Variants in ENTPD4 observed in about 807,000 individuals in gnomAD.
The protein encoded by ENTPD4 is ectonucleoside triphosphate diphosphohydrolase 4.
In ENTPD4, 60 loss-of-function variants were observed where a neutral mutation model predicts 79.1. That is an observed-to-expected ratio of 0.76 (90% CI 0.62 to 0.94). The LOEUF (loss-of-function observed/expected upper bound fraction) is 0.94. Among genes scored for constraint, ENTPD4 ranks in the 40% least tolerant of loss-of-function variants. The pLI is 0.00. For missense variants in ENTPD4, 772 were observed against 775.1 expected, an observed-to-expected ratio of 1.00 and a Z score of 0.05; for synonymous variants, 276 against 292.0, an observed-to-expected ratio of 0.95 and a Z score of 0.56.
intron 5 of ENTPD4, 53 bp downstream of exon 5, chr8:23,444,403 C>T: frequency 1.3e-6 from 2 of 1,516,860 alleles, no homozygotes; most frequent in Non-Finnish European, 9.1e-7. Context: ...GAAGAACACC[C>T]CCTCTCCCCT....
chr8:23,443,318 C>G (rs2117291620), intron 6 of ENTPD4, among the ~76,000 whole-genome samples: 1 of 152,320 alleles, frequency 6.6e-6, no homozygotes, highest in South Asian at 2.1e-4. Context: ...CACCCCATTT[C>G]TGTATTCTCT....
Position 23,438,448 on chromosome 8 carries a change from GATAA to G in ENTPD4, c.1050-1194_1050-1191del, listed in dbSNP as rs1170249749. On this transcript the variant is annotated intron_variant, in intron 9 of 12. Transcript: ENST00000358689. ...TAATCACCACTACAAATGGCGAAGA[GATAA>G]ATGTGTACTTCAATGCTCAATTCAT... Among the ~76,000 whole-genome samples the G allele has an allele frequency of 7.2e-5, 11 of 152,282 alleles. No homozygotes were observed. In the South Asian group the frequency reaches 2.3e-3, roughly 32 times the overall value.
intron 1 of ENTPD4, among the ~76,000 whole-genome samples, chr8:23,454,618 G>A (rs1307027185): frequency 6.6e-6 from 1 of 152,184 alleles, no homozygotes; most frequent in African/African-American, 2.4e-5. Context: ...TCTAGATGGG[G>A]TGAGAAAGAA....
intron 1 of ENTPD4, among the ~76,000 whole-genome samples, chr8:23,453,753 T>C (rs1025388818): frequency 6.6e-6 from 1 of 152,142 alleles, no homozygotes; most frequent in South Asian, 2.1e-4. Flanking sequence ...TGCATGCCTA[T>C]CCTCTGCTCT....
intron 1 of ENTPD4, 40 bp from the exon 2 acceptor site, chr8:23,450,037 T>A: frequency 9.5e-7 from 1 of 1,054,884 alleles, no homozygotes; most frequent in Non-Finnish European, 1.5e-6. Flanking sequence ...GATAGCATCA[T>A]CAAAGAAAAC....
At chr8:23,444,346 C>T (rs758816588) in intron 5 of ENTPD4, 110 bp downstream of exon 5, 55 of 972,816 alleles carry the variant, frequency 5.7e-5, no homozygotes, top group Non-Finnish European at 8.3e-5. Flanking sequence ...GAATATTTTC[C>T]TTTCAATGAT....
In ENTPD4 at chr8:23,441,742, G is replaced by A. The variant is rs199513848; in HGVS notation, c.728-19C>T. Reference sequence around the variant, plus strand: ...TCATCATCTAGAAAGAACAGAAAGTGTTCACTGGAACAGAACTAATCCAGA... The same window carrying A: ...TCATCATCTAGAAAGAACAGAAAGTATTCACTGGAACAGAACTAATCCAGA... On this transcript the variant is annotated intron_variant, in intron 7 of 12. Coordinates refer to ENST00000358689, the MANE Select transcript of ENTPD4 (RefSeq NM_004901.5). 1.2e-6 allele frequency: 2 copies of A among 1,612,508 alleles called. No homozygotes were observed. Among genetic ancestry groups the A allele is most frequent in the Non-Finnish European group, 1.7e-6 (2 of 1,179,410 alleles).
intron 1 of ENTPD4, 72 bp from the exon 2 acceptor site, chr8:23,450,069 G>T: frequency 1.3e-6 from 1 of 749,088 alleles, no homozygotes; most frequent in Non-Finnish European, 2.3e-6. Flanking sequence ...TTAAGTGTGT[G>T]CTTAAATCCA....
rs1800423793 is a variant in ENTPD4 at position 23,429,765 on chromosome 8, G to T, written c.*3161C>A. On this transcript the variant is annotated 3_prime_UTR_variant, in exon 13 of 13. Coordinates refer to ENST00000358689, the MANE Select transcript of ENTPD4 (RefSeq NM_004901.5). Reference sequence around the variant, plus strand: ...CCCATGTTACTGGCCTCAGCCACCAGCAGCGTCTTCACTCCGCCCAGGTCA... The same window carrying T: ...CCCATGTTACTGGCCTCAGCCACCATCAGCGTCTTCACTCCGCCCAGGTCA... 1 of 985,350 alleles carries T rather than the reference G, an allele frequency of 1.0e-6. No homozygotes were observed. The allele number at this position is 985,350 out of a possible 1,614,324, so 61.0% of individuals were successfully genotyped here.
chr8:23,433,109 C>A lies in ENTPD4; in HGVS notation c.1668G>T (p.Arg556=), dbSNP rs755257966. 10 of 1,614,156 alleles carry A rather than the reference C, an allele frequency of 6.2e-6. No homozygotes were observed. The highest frequency in any genetic ancestry group is 8.5e-6 in the Non-Finnish European group (10 of 1,180,018). Residue 556 remains arginine (R), a synonymous_variant, in exon 13 of 13, where the codon CGG becomes CGT. Coordinates refer to ENST00000358689, the MANE Select transcript of ENTPD4 (RefSeq NM_004901.5). ...EAFRASHTHW[R]GVSFVYNHYL... ...AGTGGTTGTAGACAAAGGAAACGCC[C>A]CGCCAGTGGGTGTGACTGGCTCGGA...
intron 8 of ENTPD4, 163 bp downstream of exon 8, chr8:23,441,406 G>A (rs935172201): frequency 3.0e-6 from 3 of 985,254 alleles, no homozygotes; most frequent in Non-Finnish European, 3.6e-6. Context: ...CGGCTCAGCT[G>A]AGGTCTGCCT....
chr8:23,438,545 T>G (rs1025394395), intron 9 of ENTPD4, among the ~76,000 whole-genome samples: 4 of 152,238 alleles, frequency 2.6e-5, no homozygotes, highest in Admixed American at 2.6e-4. Context: ...CATGCTATTA[T>G]TTTTAGTTGT....
In ENTPD4 at chr8:23,443,916, T is replaced by C; in HGVS notation, c.601A>G (p.Ile201Val). The C allele has an allele frequency of 2.5e-6, 4 of 1,613,708 alleles. No homozygotes were observed. The highest frequency in any genetic ancestry group is 3.4e-6 in the Non-Finnish European group (4 of 1,179,690). ...AACAGAAAGTCAAAGTGCACGGGGA[T>C]ATCGGTCAGAAGGTCTTCCAGAATA... ...KAILEDLLTD[I>V]PVHFDFLFSD... The change falls in exon 6 of 13, where the codon ATC becomes GTC. Residue 201 changes from isoleucine (I) to valine (V), a missense_variant. By Grantham distance (29) the Ile-to-Val change is conservative. Coordinates refer to ENST00000358689, the MANE Select transcript of ENTPD4 (RefSeq NM_004901.5).
At chr8:23,449,564 CA>C (rs1800823392) in intron 2 of ENTPD4, among the ~76,000 whole-genome samples, 1 of 152,158 alleles carries the variant, frequency 6.6e-6, no homozygotes, top group Admixed American at 6.5e-5. Context: ...AATATTCCCA[CA>C]AGACATTTCT....
intron 1 of ENTPD4, among the ~76,000 whole-genome samples, chr8:23,452,058 A>G (rs559334893): frequency 6.6e-6 from 1 of 152,372 alleles, no homozygotes; most frequent in Admixed American, 6.5e-5. Context: ...TGGATGAGGC[A>G]GAGAGGCTAA....
chr8:23,436,212 C>A (rs1236789501), intron 10 of ENTPD4, among the ~76,000 whole-genome samples: 3 of 152,158 alleles, frequency 2.0e-5, no homozygotes, highest in East Asian at 3.8e-4. Flanking sequence ...CAGTGCTCTG[C>A]GCTTCGAGAT....
At chr8:23,451,444 C>G (rs762430986) in intron 1 of ENTPD4, among the ~76,000 whole-genome samples, 1 of 152,200 alleles carries the variant, frequency 6.6e-6, no homozygotes, top group African/African-American at 2.4e-5. Flanking sequence ...AGCAGCCTAA[C>G]TAGTCTTCTA....
chr8:23,435,329 A>G (rs376445723), intron 11 of ENTPD4, 63 bp downstream of exon 11: 3 of 1,162,596 alleles, frequency 2.6e-6, no homozygotes, highest in East Asian at 4.9e-5. Context: ...GTGGCAAGCC[A>G]GTGGGGCCAA....
At chr8:23,434,598 C>A in intron 11 of ENTPD4, 120 bp from the exon 12 acceptor site, 1 of 1,502,180 alleles carries the variant, frequency 6.7e-7, no homozygotes, top group Non-Finnish European at 8.9e-7. Context: ...CTTCCTCAGG[C>A]CGGCTCTCCC....
Sources: allele counts gnomAD v4.1 joint callset (sites outside exome capture counted in the v4.1 genomes callset), GRCh38; gene constraint gnomAD v4.1.1; transcripts MANE v1.5; gene names NCBI Gene and HGNC (gene_info 2026-07-23, HGNC 2026-07-21).